TECPR1: variants seen among roughly 807,000 people sequenced by gnomAD.
TECPR1 encodes the protein tectonin beta-propeller repeat containing 1, also known as tectonin beta-propeller repeat-containing protein 1.
TECPR1 carries 122 observed loss-of-function variants against 162.4 expected under a neutral mutation model. The observed-to-expected ratio is 0.75, with a 90% CI of 0.65 to 0.87. The LOEUF (loss-of-function observed/expected upper bound fraction) is 0.87. Ranked by LOEUF, TECPR1 falls within the 40% of genes least tolerant of loss-of-function variation. The pLI is 0.00. For missense variants in TECPR1, 1,432 were observed against 1,618.2 expected (o/e 0.88, Z 1.97); for synonymous variants, 642 against 670.6 (o/e 0.96, Z 0.66).
chr7:98,243,322 G>T, intron 6 of TECPR1, 145 bp downstream of exon 6: 1 of 1,145,430 alleles, frequency 8.7e-7, no homozygotes, highest in Non-Finnish European at 1.2e-6. Context: ...CACGCTGGGG[G>T]CTCGGAGGAG....
chr7:98,233,177 G>A (rs918565231), intron 11 of TECPR1: 1 of 782,012 alleles, frequency 1.3e-6, no homozygotes, highest in Non-Finnish European at 1.9e-6. Flanking sequence ...CGCTAGCACA[G>A]GGGAGGGGCT....
chr7:98,217,605 G>T, intron 25 of TECPR1, 87 bp downstream of exon 25: 1 of 1,531,920 alleles, frequency 6.5e-7, no homozygotes, highest in Non-Finnish European at 8.8e-7. Flanking sequence ...GGGTCCCAGG[G>T]GACAGTCCCA....
rs749142004 is a variant in TECPR1, at chr7:98,218,055, G to T, written c.3158-13C>A. 1.3e-6 allele frequency: 2 copies of T among 1,552,418 alleles called. No individual in the cohort carries two copies. Among genetic ancestry groups the T allele is most frequent in the East Asian group, 4.8e-5 (2 of 41,282 alleles). ...TACCACAGGTTTCCTGGGGAGAAAA[G>T]CAGTGAGGGTCAAAGGGGAAGACCT... On this transcript the variant is annotated splice_polypyrimidine_tract_variant and intron_variant, in intron 23 of 25. Transcript: ENST00000447648.
At chr7:98,238,433 C>G (rs1048514100) in intron 9 of TECPR1, 76 bp downstream of exon 9, 1 of 1,241,112 alleles carries the variant, frequency 8.1e-7, no homozygotes, top group African/African-American at 1.5e-5. Flanking sequence ...GAAGCGGCCA[C>G]TAGGCTATTG....
In TECPR1 at chr7:98,225,083, A is replaced by G; in HGVS notation, c.2533T>C (p.Tyr845His). 6.4e-7 allele frequency: 1 copy of G among 1,568,934 alleles called. No individual in the cohort carries two copies. The highest frequency in any genetic ancestry group is 2.4e-5 in the East Asian group (1 of 42,128). Reference protein sequence around the residue: ...YTSRGLPTDRYMWSDASGLQE... With the variant: ...YTSRGLPTDRHMWSDASGLQE... ...AGCCCCGAGGCATCGCTCCACATGT[A>G]CCGGTCCGTGGGCAGACCCCTGCGG... The change falls in exon 18 of 26, where the codon TAC becomes CAC. Residue 845 changes from tyrosine (Y) to histidine (H), a missense_variant. Physicochemically the swap from Tyr to His is moderately conservative, Grantham distance 83. Transcript: ENST00000447648.
In TECPR1 at chr7:98,244,823, G is replaced by T. The variant is rs552212032; in HGVS notation, c.408+62C>A. ...CCACAGGGTGCAGGGGACAGAAGCAGGGACAGGCGGGAGGCACCCCCTCCC... is the reference window on the plus strand; with the variant it reads ...CCACAGGGTGCAGGGGACAGAAGCATGGACAGGCGGGAGGCACCCCCTCCC... On this transcript the variant is annotated intron_variant, in intron 4 of 25. Transcript: ENST00000447648. 7.5e-6 allele frequency: 12 copies of T among 1,599,696 alleles called. No homozygotes were observed. The African/African-American group carries it at 1.5e-4, about 20-fold the overall frequency.
At position 98,232,026 on chromosome 7, in the gene TECPR1, C is replaced by T; in HGVS notation, c.1819-67G>A. 2.0e-6 allele frequency: 3 copies of T among 1,516,532 alleles called. No individual in the cohort carries two copies. The highest frequency in any genetic ancestry group is 2.7e-6 in the Non-Finnish European group (3 of 1,130,100). The allele number at this position is 1,516,532 out of a possible 1,614,324, so 93.9% of individuals were successfully genotyped here. On this transcript the variant is annotated intron_variant, in intron 12 of 25. Coordinates refer to ENST00000447648, the MANE Select transcript of TECPR1 (RefSeq NM_015395.3). The surrounding 1 kb of genome is among the most constrained non-coding windows in gnomAD (Gnocchi z 4.6). ...GGGGTGCCAGGGGAGGAGGGCGGGG[C>T]TGGGGGTGCCCAGAGGAGGAGGCAG...
At chr7:98,229,233 C>T in intron 15 of TECPR1, 67 bp from the exon 16 acceptor site, 2 of 1,517,048 alleles carry the variant, frequency 1.3e-6, no homozygotes, top group South Asian at 1.2e-5. Flanking sequence ...CCTGGCTGCC[C>T]TTTTGTTCCG....
chr7:98,217,907 A>G, intron 24 of TECPR1, 29 bp downstream of exon 24: 1 of 1,548,600 alleles, frequency 6.5e-7, no homozygotes, highest in Non-Finnish European at 8.7e-7. Context: ...GAGCACCCCA[A>G]GTGCCCGATA....
intron 5 of TECPR1, 28 bp downstream of exon 5, chr7:98,244,543 C>A: frequency 1.9e-6 from 3 of 1,588,286 alleles, no homozygotes; most frequent in African/African-American, 2.7e-5. Context: ...CCCTATCCTG[C>A]CCCCAACCCA....
chr7:98,226,980 T>C (rs1384041400), intron 17 of TECPR1, among the ~76,000 whole-genome samples: 2 of 151,822 alleles, frequency 1.3e-5, no homozygotes, highest in South Asian at 4.2e-4. Flanking sequence ...GGAAATCAAT[T>C]GCATTTCTTT....
Position 98,231,861 on chromosome 7 carries a change from G to A in TECPR1, c.1917C>T (p.His639=), listed in dbSNP as rs770780409. The A allele has an allele frequency of 1.1e-5, 17 of 1,612,536 alleles. No individual in the cohort carries two copies. Among genetic ancestry groups the A allele is most frequent in the Admixed American group, 5.0e-5 (3 of 59,972 alleles). ...AGAGGATGCTGTCCCGGACGCCGTC[G>A]TGCCCCGTGAACTGCTCCAGGGCCA... is the stretch of plus-strand genomic sequence containing the variant. ...VRLALEQFTG[H]DGVRDSILFI... The change falls in exon 13 of 26, where the codon CAC becomes CAT. Residue 639 remains histidine, a synonymous_variant. Transcript: ENST00000447648.
Position 98,215,980 on chromosome 7 carries a change from CAGTG to C in TECPR1, c.*1406_*1409del, listed in dbSNP as rs1185830343. 2 of 152,264 alleles carry C rather than the reference CAGTG, an allele frequency of 1.3e-5. No homozygotes were observed. The highest frequency in any genetic ancestry group is 2.4e-5 in the African/African-American group (1 of 41,452). The allele number at this position is 152,264 out of a possible 1,614,324, so 9.4% of individuals were successfully genotyped here. A position where few individuals can be genotyped will look rare whatever the true frequency, so the allele number is the denominator to read the frequency against. On this transcript the variant is annotated 3_prime_UTR_variant, in exon 26 of 26. Transcript: ENST00000447648. ...ATACACACAACGGACCCCCAGCTGA[CAGTG>C]AGACCAGGACCCTAGGAAGGTCAGG...
At position 98,241,672 on chromosome 7, in the gene TECPR1, G is replaced by A. The variant is rs1242898446; in HGVS notation, c.658-428C>T. Among the ~76,000 whole-genome samples, 3 of 152,180 alleles carry A rather than the reference G, an allele frequency of 2.0e-5. No individual in the cohort carries two copies. The highest frequency in any genetic ancestry group is 2.4e-5 in the African/African-American group (1 of 41,436). ...CTGAATGGTTAAGACTGGGAGCAACGTGCTCAGAGCGTCTGAACTGTTTGG... is the reference window on the plus strand; with the variant it reads ...CTGAATGGTTAAGACTGGGAGCAACATGCTCAGAGCGTCTGAACTGTTTGG... On this transcript the variant is annotated intron_variant, in intron 6 of 25. Transcript: ENST00000447648. This position sits in a 1 kb window ranked among gnomAD's most constrained non-coding sequence, Gnocchi z 5.0.
intron 17 of TECPR1, chr7:98,226,676 G>C: frequency 8.5e-7 from 1 of 1,174,498 alleles, no homozygotes; most frequent in Non-Finnish European, 1.1e-6. Flanking sequence ...GCCTGATGAT[G>C]CCTGTAATCT....
chr7:98,221,684 G>A lies in TECPR1; in HGVS notation c.3134C>T (p.Ser1045Leu), dbSNP rs368551723. The change falls in exon 23 of 26, where the codon TCG becomes TTG. Residue 1045 changes from serine to leucine, a missense_variant. By Grantham distance (145) the Ser-to-Leu change is moderately radical. Transcript: ENST00000447648. ...RLKQVSAGQT[S>L]VYALDENGNL... ...GCCATTCTCATCCAGGGCATACACCGACGTCTGCCCCGCGGACACCTGCTT... is the reference window on the plus strand; with the variant it reads ...GCCATTCTCATCCAGGGCATACACCAACGTCTGCCCCGCGGACACCTGCTT... 2.7e-5 allele frequency: 43 copies of A among 1,613,086 alleles called. No individual in the cohort carries two copies. The highest frequency in any genetic ancestry group is 8.9e-5 in the East Asian group (4 of 44,840).
chr7:98,231,791 G>A lies in TECPR1; in HGVS notation c.1974+13C>T. ...CCCTCCCTGGCCCCATCTCCTGTGG[G>A]ACCCGTGGGCACCTTCTTCTCCTCG... On this transcript the variant is annotated intron_variant, in intron 13 of 25. Coordinates refer to ENST00000447648, the MANE Select transcript of TECPR1 (RefSeq NM_015395.3). 6.2e-7 allele frequency: 1 copy of A among 1,608,224 alleles called. No individual in the cohort carries two copies. The highest frequency in any genetic ancestry group is 8.5e-7 in the Non-Finnish European group (1 of 1,176,728).
rs142086862 is a variant in TECPR1 at position 98,237,236 on chromosome 7, G to A, written c.1036-315C>T. On this transcript the variant is annotated intron_variant, in intron 9 of 25. Coordinates refer to ENST00000447648, the MANE Select transcript of TECPR1 (RefSeq NM_015395.3). Reference sequence around the variant, plus strand: ...TCACCTGCCTCCCTGTCTTGCGTGTGCCCTCTGGTGGGAAGCAGATGCCCC... The same window carrying A: ...TCACCTGCCTCCCTGTCTTGCGTGTACCCTCTGGTGGGAAGCAGATGCCCC... 1.1e-4 allele frequency among the ~76,000 whole-genome samples: 17 copies of A among 152,224 alleles called. No homozygotes were observed. The East Asian group carries it at 3.3e-3, about 30-fold the overall frequency.
rs1798415975 is a variant in TECPR1 at position 98,230,944 on chromosome 7, G to A, written c.2282+17C>T. 1 of 1,604,696 alleles carries A rather than the reference G, an allele frequency of 6.2e-7. No individual in the cohort carries two copies. Among genetic ancestry groups the A allele is most frequent in the East Asian group, 2.2e-5 (1 of 44,682 alleles). ...GAGGCCAGGCCCCAGACCCCACCCAGAGTGCGGCTCACTCACATCTGGTCG... is the reference window on the plus strand; with the variant it reads ...GAGGCCAGGCCCCAGACCCCACCCAAAGTGCGGCTCACTCACATCTGGTCG... On this transcript the variant is annotated intron_variant, in intron 15 of 25. Transcript: ENST00000447648.
Sources: gnomAD v4.1 joint callset for allele counts (sites outside exome capture counted in the v4.1 genomes callset) on GRCh38, gnomAD v4.1.1 for gene constraint, Gnocchi (gnomAD v3.1) non-coding constraint, MANE v1.5 for transcripts, NCBI Gene and HGNC (gene_info 2026-07-23, HGNC 2026-07-21) for gene names.